PXK: variants seen among roughly 807,000 people sequenced by gnomAD.
PXK encodes PX domain containing serine/threonine kinase like, also known as PX domain-containing protein kinase-like protein.
A neutral mutation model predicts 84.7 loss-of-function variants in PXK; 35 were observed. That is an observed-to-expected ratio of 0.41 (90% CI 0.32 to 0.55). PXK has a LOEUF of 0.55. PXK is among the 20% of genes least tolerant of loss of function. The pLI is 0.21. For synonymous variants in PXK, 253 were observed against 260.8 expected (o/e 0.97, Z 0.29); for missense variants, 634 against 699.7 (o/e 0.91, Z 1.06).
At chr3:58,361,449 G>A (rs907531469) in intron 1 of PXK, among the ~76,000 whole-genome samples, 3 of 151,940 alleles carry the variant, frequency 2.0e-5, no homozygotes, top group South Asian at 2.1e-4. Context: ...CCATTATTGC[G>A]AGCATTCCTC....
At chr3:58,396,940 G>A in intron 9 of PXK, 99 bp from the exon 10 acceptor site, 1 of 1,274,920 alleles carries the variant, frequency 7.8e-7, no homozygotes, top group Non-Finnish European at 1.1e-6. Context: ...TGACCTGTTT[G>A]GTTTTGTTTC....
intron 3 of PXK, among the ~76,000 whole-genome samples, chr3:58,372,141 T>C (rs1236226937): frequency 1.3e-5 from 2 of 152,114 alleles, no homozygotes; most frequent in Admixed American, 1.3e-4. Context: ...TTACAAGAAA[T>C]GTTTGGAAAA....
chr3:58,399,169 T>C lies in PXK; in HGVS notation c.1103-130T>C, dbSNP rs2058181319. 1 of 751,442 alleles carries C rather than the reference T, an allele frequency of 1.3e-6. No homozygotes were observed. The highest frequency in any genetic ancestry group is 1.5e-5 in the South Asian group (1 of 64,842). The allele number at this position is 751,442 out of a possible 1,614,324, so 46.5% of individuals were successfully genotyped here. On this transcript the variant is annotated intron_variant, in intron 11 of 17. Coordinates refer to ENST00000356151, the MANE Select transcript of PXK (RefSeq NM_017771.5). The surrounding 1 kb of genome is among the most constrained non-coding windows in gnomAD (Gnocchi z 4.3). Reference sequence around the variant, plus strand: ...ACCCCACGTATGCCATCTGTCTGTGTGTGAAGATTTTTGACACTGTCCTGA... The same window carrying C: ...ACCCCACGTATGCCATCTGTCTGTGCGTGAAGATTTTTGACACTGTCCTGA...
At chr3:58,420,636 A>G in intron 17 of PXK, 9 of 1,534,274 alleles carry the variant, frequency 5.9e-6, no homozygotes, top group Admixed American at 3.9e-5. Flanking sequence ...AATAGGACCC[A>G]AAGTGTCTCG....
At chr3:58,335,018 GGTGTGTGTGTGTGTGT>G (rs375780661) in intron 1 of PXK, among the ~76,000 whole-genome samples, 6,028 of 106,576 alleles carry the variant, frequency 0.057, 506 homozygotes, top group African/African-American at 0.2. Context: ...TGTCCAGGCT[GGTGTGTGTGTGTGTGT>G]GTGTGTGTGT....
intron 3 of PXK, among the ~76,000 whole-genome samples, chr3:58,372,787 C>T (rs1364923584): frequency 2.6e-5 from 4 of 151,620 alleles, no homozygotes; most frequent in Admixed American, 6.6e-5. Context: ...CCACCATGCC[C>T]GGCTAATTTT....
chr3:58,403,675 A>G (rs531730083), intron 12 of PXK, among the ~76,000 whole-genome samples, 187 bp from the exon 13 acceptor site: 122 of 152,336 alleles, frequency 8.0e-4, no homozygotes, highest in Middle Eastern at 3.4e-3. Flanking sequence ...AGGGGGTCAC[A>G]CTGGGCCACC....
intron 1 of PXK, among the ~76,000 whole-genome samples, chr3:58,339,780 T>C (rs1428438343): frequency 6.6e-6 from 1 of 152,086 alleles, no homozygotes; most frequent in Non-Finnish European, 1.5e-5. Context: ...TTAGCTTCCA[T>C]ATGGATTGTG....
rs1400278396 is a variant in PXK, at chr3:58,332,946, T to C, written c.-43T>C. 3 of 1,271,914 alleles carry C rather than the reference T, an allele frequency of 2.4e-6. No homozygotes were observed. In the Admixed American group the frequency reaches 8.5e-5, roughly 36 times the overall value. 78.8% of individuals were successfully genotyped at this position (1,271,914 alleles called of 1,614,324 possible). On this transcript the variant is annotated 5_prime_UTR_variant, in exon 1 of 18. Transcript: ENST00000356151. The surrounding 1 kb of genome is among the most constrained non-coding windows in gnomAD (Gnocchi z 5.6). ...GGCGGCGGGAGTCGGCGCCTCGGGTTCCTACCTCGCGTCCCTAGGCGGCGG... is the reference window on the plus strand; with the variant it reads ...GGCGGCGGGAGTCGGCGCCTCGGGTCCCTACCTCGCGTCCCTAGGCGGCGG...
rs769482851 is a variant in PXK at position 58,424,716 on chromosome 3, G to C, written c.1529-36G>C. The stretch of plus-strand genomic sequence containing the variant: ...GCAGCGTGTGTGCAGGGCAGCTGTG[G>C]AGGTGAATACTGATTGTCCCCCTTT... On this transcript the variant is annotated intron_variant, in intron 17 of 17. Coordinates refer to ENST00000356151, the MANE Select transcript of PXK (RefSeq NM_017771.5). 5 of 1,602,284 alleles carry C rather than the reference G, an allele frequency of 3.1e-6. No homozygotes were observed. In the Admixed American group the frequency reaches 8.5e-5, roughly 27 times the overall value.
intron 1 of PXK, among the ~76,000 whole-genome samples, chr3:58,348,649 G>A (rs1040013014): frequency 2.0e-4 from 31 of 151,982 alleles, no homozygotes; most frequent in African/African-American, 7.5e-4. Context: ...AGTGACTAAT[G>A]CCTGTAATCT....
intron 1 of PXK, among the ~76,000 whole-genome samples, chr3:58,341,388 C>T (rs991341209): frequency 2.6e-5 from 4 of 151,994 alleles, no homozygotes; most frequent in African/African-American, 9.7e-5. Flanking sequence ...ATGGGGAAAC[C>T]CTGTCGCTAC....
chr3:58,348,544 T>A (rs2097861293), intron 1 of PXK, among the ~76,000 whole-genome samples: 1 of 152,174 alleles, frequency 6.6e-6, no homozygotes, highest in South Asian at 2.1e-4. Context: ...AAGAAACAGG[T>A]GAAATTAATT....
intron 8 of PXK, 129 bp from the exon 9 acceptor site, chr3:58,395,529 A>G: frequency 1.5e-6 from 1 of 685,698 alleles, no homozygotes; most frequent in Non-Finnish European, 2.5e-6. Flanking sequence ...GTATTTTAAA[A>G]ACTCACATCT....
At position 58,369,498 on chromosome 3, in the gene PXK, A is replaced by G; in HGVS notation, c.201+20A>G. 2 of 1,592,028 alleles carry G rather than the reference A, an allele frequency of 1.3e-6. No homozygotes were observed. The highest frequency in any genetic ancestry group is 2.7e-5 in the African/African-American group (2 of 74,488). On this transcript the variant is annotated intron_variant, in intron 3 of 17. Transcript: ENST00000356151. ...TTACAGGTAAATGTTTTGAAATTCTAATTACACACATTGATTACTTGGGGT... is the reference window on the plus strand; with the variant it reads ...TTACAGGTAAATGTTTTGAAATTCTGATTACACACATTGATTACTTGGGGT...
chr3:58,404,745 T>C (rs1021475836), intron 13 of PXK, among the ~76,000 whole-genome samples: 3 of 152,158 alleles, frequency 2.0e-5, no homozygotes, highest in Non-Finnish European at 4.4e-5. Context: ...CCCTCTCCTT[T>C]CTATATTCCA....
chr3:58,352,720 G>A (rs2097958430), intron 1 of PXK, among the ~76,000 whole-genome samples: 2 of 152,172 alleles, frequency 1.3e-5, no homozygotes, highest in Non-Finnish European at 2.9e-5. Context: ...TATCCATTCT[G>A]TAGTCATGTT....
intron 13 of PXK, among the ~76,000 whole-genome samples, chr3:58,405,463 G>C (rs2059245626): frequency 6.6e-6 from 1 of 152,122 alleles, no homozygotes; most frequent in South Asian, 2.1e-4. Context: ...TGGATCATTT[G>C]AGGTCAGGAG....
At chr3:58,354,092 G>A (rs2108132139) in intron 1 of PXK, among the ~76,000 whole-genome samples, 1 of 152,338 alleles carries the variant, frequency 6.6e-6, no homozygotes, top group East Asian at 1.9e-4. Context: ...GAGACAAACA[G>A]GCCTGCCTCC....
Sources: gnomAD v4.1 joint callset for allele counts (sites outside exome capture counted in the v4.1 genomes callset) on GRCh38, gnomAD v4.1.1 for gene constraint, Gnocchi (gnomAD v3.1) non-coding constraint, MANE v1.5 for transcripts, NCBI Gene and HGNC (gene_info 2026-07-23, HGNC 2026-07-21) for gene names.